The following OSTN variants were observed in gnomAD, a reference collection of about 807,000 sequenced individuals.
The protein encoded by OSTN is osteocrin.
In OSTN, 9 loss-of-function variants were observed where a neutral mutation model predicts 12.0. The observed-to-expected ratio is 0.75, with a 90% CI of 0.45 to 1.30. OSTN has a LOEUF of 1.30. Ranked by LOEUF, OSTN falls within the 50% of genes most tolerant of loss-of-function variation. The pLI is 0.00. For synonymous variants in OSTN, 59 were observed against 56.9 expected, an observed-to-expected ratio of 1.04 and a Z score of -0.16; for missense variants, 148 against 152.3, an observed-to-expected ratio of 0.97 and a Z score of 0.15.
chr3:191,252,880 A>G (rs1416869912), intron 4 of OSTN, among the ~76,000 whole-genome samples: 7 of 152,262 alleles, frequency 4.6e-5, no homozygotes, highest in African/African-American at 1.4e-4. Context: ...GAGCAGCTTA[A>G]AAGTCATTAA....
chr3:191,253,835 A>T (rs546439433), intron 4 of OSTN, among the ~76,000 whole-genome samples: 2 of 152,358 alleles, frequency 1.3e-5, no homozygotes, highest in East Asian at 3.9e-4. Flanking sequence ...CATTTTCAGG[A>T]TCACTTCAGA....
chr3:191,264,187 A>T lies in OSTN; in HGVS notation c.*1334A>T, dbSNP rs1008642212. ...GAGAAATGGGCAATTGCTAATCTTA[A>T]CTAAAAATTAATGGACTTGTATGAT... On this transcript the variant is annotated 3_prime_UTR_variant, in exon 5 of 5. Transcript: ENST00000682035. 1 of 152,124 alleles carries T rather than the reference A, an allele frequency of 6.6e-6. No individual in the cohort carries two copies. The highest frequency in any genetic ancestry group is 2.4e-5 in the African/African-American group (1 of 41,450). The allele number at this position is 152,124 out of a possible 1,614,324, so 9.4% of individuals were successfully genotyped here.
At chr3:191,205,865 A>AG (rs1307757924) in intron 1 of OSTN, among the ~76,000 whole-genome samples, 1 of 152,108 alleles carries the variant, frequency 6.6e-6, no homozygotes, top group Non-Finnish European at 1.5e-5. Context: ...TATGCATGAT[A>AG]GGAAAAAAAA....
At chr3:191,214,189 G>C (rs1320195561) in intron 2 of OSTN, among the ~76,000 whole-genome samples, 1 of 152,112 alleles carries the variant, frequency 6.6e-6, no homozygotes, top group Non-Finnish European at 1.5e-5. Context: ...AGTACACTAA[G>C]CAGTAAAGAG....
chr3:191,223,197 G>GA (rs1714814505), intron 3 of OSTN, among the ~76,000 whole-genome samples: 1 of 151,938 alleles, frequency 6.6e-6, no homozygotes, highest in South Asian at 2.1e-4. Context: ...CAGCTTGCAA[G>GA]AAAAAAGGGG....
chr3:191,226,215 A>G (rs1303438924), intron 3 of OSTN, among the ~76,000 whole-genome samples: 1 of 152,134 alleles, frequency 6.6e-6, no homozygotes, highest in East Asian at 1.9e-4. Context: ...TTATTCCAGG[A>G]AAGTAAATAT....
At chr3:191,257,587 C>G (rs1254629260) in intron 4 of OSTN, among the ~76,000 whole-genome samples, 2 of 152,124 alleles carry the variant, frequency 1.3e-5, no homozygotes, top group African/African-American at 4.8e-5. Flanking sequence ...CTGTCTAGAC[C>G]TCTGAATCGA....
chr3:191,231,347 A>C (rs961784041), intron 3 of OSTN, among the ~76,000 whole-genome samples: 3 of 151,340 alleles, frequency 2.0e-5, no homozygotes, highest in Admixed American at 6.6e-5. Flanking sequence ...TCATTAAAAA[A>C]ATCACACATA....
chr3:191,206,891 T>C (rs909200505), intron 1 of OSTN, among the ~76,000 whole-genome samples: 1 of 152,102 alleles, frequency 6.6e-6, no homozygotes, highest in African/African-American at 2.4e-5. Flanking sequence ...CTTAATGGAG[T>C]GGGTAAAGGG....
intron 3 of OSTN, among the ~76,000 whole-genome samples, chr3:191,246,504 G>A (rs1715434697): frequency 6.6e-6 from 1 of 151,822 alleles, no homozygotes; most frequent in Non-Finnish European, 1.5e-5. Flanking sequence ...TACTCAAGAG[G>A]CTGAGGCAGG....
intron 1 of OSTN, among the ~76,000 whole-genome samples, chr3:191,210,255 G>T (rs367687313): frequency 3.9e-5 from 6 of 152,292 alleles, no homozygotes; most frequent in African/African-American, 1.4e-4. Context: ...CCATTATCCA[G>T]TGGTCTCCCT....
At chr3:191,203,790 G>T (rs1560111575) in intron 1 of OSTN, among the ~76,000 whole-genome samples, 1 of 152,160 alleles carries the variant, frequency 6.6e-6, no homozygotes, top group African/African-American at 2.4e-5. Context: ...TTGTTGTTCT[G>T]GCTCTTCTTC....
chr3:191,259,683 G>C (rs1196966902), intron 4 of OSTN, among the ~76,000 whole-genome samples: 2 of 151,880 alleles, frequency 1.3e-5, no homozygotes, highest in Non-Finnish European at 2.9e-5. Flanking sequence ...AGGCGTTGAT[G>C]CTGAAAGCAT....
intron 3 of OSTN, among the ~76,000 whole-genome samples, chr3:191,222,649 G>T (rs1714796720): frequency 6.6e-6 from 1 of 152,202 alleles, no homozygotes; most frequent in South Asian, 2.1e-4. Flanking sequence ...GCTGGGAAGG[G>T]ATGATCATGT....
intron 3 of OSTN, among the ~76,000 whole-genome samples, chr3:191,248,199 C>G (rs1715478825): frequency 6.6e-6 from 1 of 151,470 alleles, no homozygotes; most frequent in African/African-American, 2.4e-5. Flanking sequence ...ACTGTGTAGT[C>G]AAGGAAAAAA....
chr3:191,258,537 T>C (rs1715727465), intron 4 of OSTN, among the ~76,000 whole-genome samples: 3 of 149,176 alleles, frequency 2.0e-5, no homozygotes, highest in Admixed American at 6.7e-5. Flanking sequence ...AAACACCAAA[T>C]GCACGCGGGG....
chr3:191,208,708 T>C (rs1470735349), intron 1 of OSTN, among the ~76,000 whole-genome samples: 2 of 152,202 alleles, frequency 1.3e-5, no homozygotes, highest in South Asian at 2.1e-4. Flanking sequence ...GTTAGTGAAA[T>C]GTACATAAAA....
intron 3 of OSTN, among the ~76,000 whole-genome samples, chr3:191,246,690 G>A (rs1035585983): frequency 6.6e-6 from 1 of 151,686 alleles, no homozygotes. Flanking sequence ...AGAAGAGGAA[G>A]AGGAGGATGA....
At chr3:191,261,930 CTA>C (rs1715820812) in intron 4 of OSTN, among the ~76,000 whole-genome samples, 1 of 152,118 alleles carries the variant, frequency 6.6e-6, no homozygotes, top group African/African-American at 2.4e-5. Context: ...AGAAATGTGA[CTA>C]TTGGCCGGGT....
Sources: gnomAD v4.1 joint callset for allele counts (sites outside exome capture counted in the v4.1 genomes callset) on GRCh38, gnomAD v4.1.1 for gene constraint, MANE v1.5 for transcripts, NCBI Gene and HGNC (gene_info 2026-07-23, HGNC 2026-07-21) for gene names.